The following RPS6KA2 variants were observed in gnomAD, a reference collection of about 807,000 sequenced individuals.
RPS6KA2 encodes the protein ribosomal protein S6 kinase A2, also known as ribosomal protein S6 kinase alpha-2.
In RPS6KA2, 42 loss-of-function variants were observed where a neutral mutation model predicts 91.8. That is an observed-to-expected ratio of 0.46 (90% confidence interval 0.36 to 0.59). The LOEUF is 0.59. Ranked by LOEUF, RPS6KA2 falls within the 20% of genes least tolerant of loss-of-function variation. RPS6KA2 has a pLI of 0.00. For missense variants in RPS6KA2, 798 were observed against 978.5 expected (o/e 0.82, Z 2.46); for synonymous variants, 414 against 393.6 (o/e 1.05, Z -0.61).
chr6:166,514,078 T>C (rs1483100570), intron 3 of RPS6KA2, among the ~76,000 whole-genome samples: 3 of 152,264 alleles, frequency 2.0e-5, no homozygotes, highest in Admixed American at 1.3e-4. Context: ...TCGCGGATTG[T>C]GGGGAGATGT....
rs993319920 is a variant in RPS6KA2, at chr6:166,658,134, G to A, written c.124-119350C>T. ...CGACCTCAGGTGATTCGCCCACCTC[G>A]GCCTCCCAAAGTGCTGAGAGTACAG... On this transcript the variant is annotated intron_variant, in intron 2 of 21. Coordinates refer to the RPS6KA2 transcript ENST00000503859. Among the ~76,000 whole-genome samples, 7 of 152,210 alleles carry A rather than the reference G, an allele frequency of 4.6e-5. No individual in the cohort carries two copies. In the South Asian group the frequency reaches 6.2e-4, roughly 14 times the overall value.
intron 12 of RPS6KA2, among the ~76,000 whole-genome samples, chr6:166,456,257 G>T (rs1194033890): frequency 6.6e-6 from 1 of 152,238 alleles, no homozygotes; most frequent in Non-Finnish European, 1.5e-5. Flanking sequence ...AAAGTTAAGA[G>T]GCTGACATTT....
At chr6:166,616,009 C>G (rs973121997) in intron 1 of RPS6KA2, among the ~76,000 whole-genome samples, 2 of 152,172 alleles carry the variant, frequency 1.3e-5, no homozygotes, top group South Asian at 2.1e-4. Flanking sequence ...ATCCCTGTAA[C>G]AGCAGTCCCT....
At chr6:166,839,356 T>A (rs1780400544) in intron 2 of RPS6KA2, among the ~76,000 whole-genome samples, 2 of 152,090 alleles carry the variant, frequency 1.3e-5, no homozygotes, top group African/African-American at 4.8e-5. Context: ...ACCAGAGGAC[T>A]TGTCATTCAT....
Position 166,533,372 on chromosome 6 carries a change from C to T in RPS6KA2, c.217-2059G>A, listed in dbSNP as rs1457675314. 4.6e-5 allele frequency among the ~76,000 whole-genome samples: 7 copies of T among 152,326 alleles called. No homozygotes were observed. The highest frequency in any genetic ancestry group is 2.1e-4 in the South Asian group (1 of 4,834). On this transcript the variant is annotated intron_variant, in intron 2 of 20. Transcript: ENST00000265678. This position sits in a 1 kb window ranked among gnomAD's most constrained non-coding sequence, Gnocchi z 4.0. ...GGAGTCCAGGAGCTGGGCAAGGCTG[C>T]GTGAGCGTCCCGGTGCCGGAGAGGC... is the stretch of plus-strand genomic sequence containing the variant.
At chr6:166,681,603 T>C (rs896528289) in intron 2 of RPS6KA2, among the ~76,000 whole-genome samples, 8 of 151,816 alleles carry the variant, frequency 5.3e-5, no homozygotes, top group Non-Finnish European at 1.2e-4. Flanking sequence ...AAGGGAAAAC[T>C]GTTCCTGGTG....
intron 1 of RPS6KA2, among the ~76,000 whole-genome samples, chr6:166,566,154 T>C (rs1417155939): frequency 5.3e-5 from 8 of 152,224 alleles, no homozygotes; most frequent in Admixed American, 5.2e-4. Context: ...GGAACAGACC[T>C]ACTCCCGGGC....
At chr6:166,800,418 G>A (rs553517396) in intron 2 of RPS6KA2, among the ~76,000 whole-genome samples, 2 of 152,326 alleles carry the variant, frequency 1.3e-5, no homozygotes, top group African/African-American at 4.8e-5. Flanking sequence ...TCCTTCCACA[G>A]CGCATACACT....
intron 2 of RPS6KA2, among the ~76,000 whole-genome samples, chr6:166,807,352 G>A (rs111512687): frequency 0.01 from 1,569 of 152,190 alleles, 33 homozygotes; most frequent in African/African-American, 0.036. Context: ...AGAAAATCCT[G>A]TTGACTCTGC....
chr6:166,855,921 C>T (rs962178736), intron 2 of RPS6KA2, among the ~76,000 whole-genome samples: 7 of 152,132 alleles, frequency 4.6e-5, no homozygotes, highest in African/African-American at 1.7e-4. Context: ...ATACAGTAAG[C>T]ATCAGGAAAC....
intron 10 of RPS6KA2, among the ~76,000 whole-genome samples, chr6:166,483,195 A>G (rs939110722): frequency 3.3e-5 from 5 of 152,222 alleles, no homozygotes; most frequent in Admixed American, 1.3e-4. Context: ...GCGCAGCTGC[A>G]TGCTGTCGGA....
rs187575361 is a variant in RPS6KA2 at position 166,781,257 on chromosome 6, C to T, written c.123+76943G>A. The stretch of plus-strand genomic sequence containing the variant: ...CTATTTTCACAAAGGAACTAGGAAC[C>T]GCATTTCACTCTTAATTATACATAA... On this transcript the variant is annotated intron_variant, in intron 2 of 21. Coordinates refer to the RPS6KA2 transcript ENST00000503859. 3.3e-5 allele frequency among the ~76,000 whole-genome samples: 5 copies of T among 152,284 alleles called. No homozygotes were observed. The East Asian group carries it at 9.7e-4, about 29-fold the overall frequency.
chr6:166,712,036 C>T (rs1488428069), intron 2 of RPS6KA2, among the ~76,000 whole-genome samples: 1 of 152,196 alleles, frequency 6.6e-6, no homozygotes, highest in African/African-American at 2.4e-5. Flanking sequence ...CTGTGAACAC[C>T]TCTATACACA....
intron 4 of RPS6KA2, 94 bp downstream of exon 4, chr6:166,510,183 C>G: frequency 1.3e-6 from 1 of 776,650 alleles, no homozygotes; most frequent in South Asian, 1.8e-5. Context: ...GAAAGATTTT[C>G]TTCTTTCTGA....
At chr6:166,630,961 G>A (rs113095430), upstream of RPS6KA2, among the ~76,000 whole-genome samples, 529 of 152,320 alleles carry the variant, frequency 3.5e-3, 8 homozygotes, top group African/African-American at 0.012. Context: ...CAAGGGGCCT[G>A]GAGCTGTCAG....
chr6:166,636,596 A>G (rs989160524), intron 2 of RPS6KA2, among the ~76,000 whole-genome samples: 1 of 151,820 alleles, frequency 6.6e-6, no homozygotes, highest in African/African-American at 2.4e-5. Flanking sequence ...TCACCTTTTA[A>G]ATGCTTGTCT....
chr6:166,717,952 G>A (rs1315397213), intron 2 of RPS6KA2, among the ~76,000 whole-genome samples: 1 of 151,680 alleles, frequency 6.6e-6, no homozygotes, highest in Admixed American at 6.6e-5. Context: ...TGGTTCAGGC[G>A]ATTCTCCTGC....
At position 166,767,964 on chromosome 6, in the gene RPS6KA2, G is replaced by A. The variant is rs1156408059; in HGVS notation, c.123+90236C>T. Among the ~76,000 whole-genome samples the A allele has an allele frequency of 2.6e-5, 4 of 152,106 alleles. No homozygotes were observed. The highest frequency in any genetic ancestry group is 6.5e-5 in the Admixed American group (1 of 15,278). On this transcript the variant is annotated intron_variant, in intron 2 of 21. Coordinates refer to the RPS6KA2 transcript ENST00000503859. This position sits in a 1 kb window ranked among gnomAD's most constrained non-coding sequence, Gnocchi z 4.6. ...CCTCTGTGTCCCCACATGTAAAATC[G>A]CTACCTTGGCCACCACTGCACCATA...
chr6:166,722,519 G>A (rs1052102996), intron 2 of RPS6KA2, among the ~76,000 whole-genome samples: 3 of 152,230 alleles, frequency 2.0e-5, no homozygotes, highest in Admixed American at 6.5e-5. Flanking sequence ...AGGGCCCACA[G>A]CCACAGAGGC....
Sources: gnomAD v4.1 joint callset for allele counts (sites outside exome capture counted in the v4.1 genomes callset) on GRCh38, gnomAD v4.1.1 for gene constraint, Gnocchi (gnomAD v3.1) non-coding constraint, MANE v1.5 for transcripts, NCBI Gene and HGNC (gene_info 2026-07-23, HGNC 2026-07-21) for gene names.